ADAMTS3: variants seen among roughly 807,000 people sequenced by gnomAD.
ADAMTS3 encodes the protein A disintegrin and metalloproteinase with thrombospondin motifs 3.
A neutral mutation model predicts 129.0 loss-of-function variants in ADAMTS3; 73 were observed. The ratio of observed to expected loss-of-function variants is 0.57; its 90% CI spans 0.47 to 0.69. ADAMTS3 has a LOEUF of 0.69. ADAMTS3 is among the 30% of genes least tolerant of loss of function. The pLI, the probability that ADAMTS3 is intolerant of heterozygous loss-of-function variation, is 0.00. For synonymous variants in ADAMTS3, 477 were observed against 510.8 expected, an observed-to-expected ratio of 0.93 and a Z score of 0.89; for missense variants, 1,457 against 1,514.5, an observed-to-expected ratio of 0.96 and a Z score of 0.63.
chr4:72,556,152 G>C (rs1721760958), intron 2 of ADAMTS3, among the ~76,000 whole-genome samples: 1 of 143,510 alleles, frequency 7.0e-6, no homozygotes, highest in Non-Finnish European at 1.5e-5. Context: ...GGAGAGGGAG[G>C]GAAGTCTAAC....
At chr4:72,496,242 G>A (rs1333601998) in intron 3 of ADAMTS3, among the ~76,000 whole-genome samples, 2 of 152,078 alleles carry the variant, frequency 1.3e-5, no homozygotes, top group Non-Finnish European at 2.9e-5. Context: ...GTTCTTGTGT[G>A]GTTTTCTAGT....
chr4:72,328,342 C>T (rs1197132732), intron 5 of ADAMTS3, among the ~76,000 whole-genome samples: 3 of 152,162 alleles, frequency 2.0e-5, no homozygotes, highest in African/African-American at 2.4e-5. Flanking sequence ...GGTTTGTTCC[C>T]GGACAGGACA....
chr4:72,473,569 C>T (rs1456333297), intron 3 of ADAMTS3, among the ~76,000 whole-genome samples: 1 of 144,014 alleles, frequency 6.9e-6, no homozygotes, highest in Admixed American at 6.9e-5. Context: ...AAAAAAAAAA[C>T]ACGGTCCTAC....
At chr4:72,528,380 C>T (rs947161395) in intron 3 of ADAMTS3, among the ~76,000 whole-genome samples, 2 of 151,614 alleles carry the variant, frequency 1.3e-5, no homozygotes, top group African/African-American at 4.8e-5. Context: ...ATGTTCTGAC[C>T]ACAAAGGAAT....
rs1718587695 is a variant in ADAMTS3 at position 72,288,947 on chromosome 4, C to CACACACAT, written c.2932-80_2932-79insATGTGTGT. 4 of 747,636 alleles carry CACACACAT rather than the reference C, an allele frequency of 5.4e-6. No homozygotes were observed. The East Asian group carries it at 1.0e-4, about 19-fold the overall frequency. 46.3% of individuals were successfully genotyped at this position (747,636 alleles called of 1,614,324 possible). ...ATACACACACACACACACACACACA[C>CACACACAT]ACACACACACACACACACACAAAGA... On this transcript the variant is annotated intron_variant, in intron 20 of 21. Transcript: ENST00000286657.
At chr4:72,287,667 G>A (rs1718543414) in intron 21 of ADAMTS3, among the ~76,000 whole-genome samples, 1 of 152,064 alleles carries the variant, frequency 6.6e-6, no homozygotes, top group African/African-American at 2.4e-5. Context: ...TAGAAAATGA[G>A]CCACATACAG....
chr4:72,350,766 G>C (rs1720413899), intron 4 of ADAMTS3, among the ~76,000 whole-genome samples: 1 of 151,890 alleles, frequency 6.6e-6, no homozygotes, highest in South Asian at 2.1e-4. Flanking sequence ...ACTATTCCCA[G>C]CCCCATATAA....
chr4:72,327,470 C>T (rs1719727649), intron 5 of ADAMTS3, among the ~76,000 whole-genome samples: 2 of 152,172 alleles, frequency 1.3e-5, no homozygotes, highest in African/African-American at 4.8e-5. Context: ...TATATTGATT[C>T]AACTAATCCT....
rs373596808 is a variant in ADAMTS3 at position 72,466,930 on chromosome 4, A to G, written c.505-51959T>C. On this transcript the variant is annotated intron_variant, in intron 3 of 21. Coordinates refer to ENST00000286657, the MANE Select transcript of ADAMTS3 (RefSeq NM_014243.3). ...TGACCTCTCTAAATCTGCCTCCTCA[A>G]TGGTCCATTAGAGATGATAATACCT... Among the ~76,000 whole-genome samples, 62 of 152,208 alleles carry G rather than the reference A, an allele frequency of 4.1e-4. 2 individuals are homozygous for G. In the South Asian group the frequency reaches 0.013, roughly 31 times the overall value.
At chr4:72,561,504 CAA>C (rs952852771) in intron 2 of ADAMTS3, among the ~76,000 whole-genome samples, 1 of 132,674 alleles carries the variant, frequency 7.5e-6, no homozygotes, top group Admixed American at 7.7e-5. Context: ...GACCCTGTCT[CAA>C]AAAAAAAAGA....
At chr4:72,472,067 AG>A (rs1014596341) in intron 3 of ADAMTS3, among the ~76,000 whole-genome samples, 11 of 152,286 alleles carry the variant, frequency 7.2e-5, no homozygotes, top group Non-Finnish European at 1.0e-4. Flanking sequence ...AATACAAGGA[AG>A]ATCTAGAAAT....
chr4:72,429,799 C>T (rs1264444940), intron 3 of ADAMTS3, among the ~76,000 whole-genome samples: 1 of 151,988 alleles, frequency 6.6e-6, no homozygotes, highest in African/African-American at 2.4e-5. Context: ...TTCAACTATT[C>T]CTTCGGCGCT....
intron 4 of ADAMTS3, among the ~76,000 whole-genome samples, chr4:72,412,218 C>T (rs571151100): frequency 3.3e-5 from 5 of 151,946 alleles, no homozygotes; most frequent in Non-Finnish European, 5.9e-5. Flanking sequence ...TAAGGCTTAG[C>T]TTATGGATTT....
chr4:72,313,918 G>A, intron 11 of ADAMTS3, 96 bp from the exon 12 acceptor site: 2 of 1,391,454 alleles, frequency 1.4e-6, no homozygotes, highest in Non-Finnish European at 2.0e-6. Context: ...CTTTCTTACT[G>A]CTCTTTTTTC....
intron 4 of ADAMTS3, among the ~76,000 whole-genome samples, chr4:72,367,737 C>T: frequency 6.6e-6 from 1 of 151,832 alleles, no homozygotes. Context: ...GTAGTCCCAG[C>T]TACTTGGGAG....
chr4:72,349,812 T>G (rs1720381070), intron 4 of ADAMTS3, among the ~76,000 whole-genome samples: 1 of 152,032 alleles, frequency 6.6e-6, no homozygotes. Context: ...AACATGGAAT[T>G]AAAATGTATG....
At chr4:72,562,532 T>C in intron 2 of ADAMTS3, among the ~76,000 whole-genome samples, 1 of 152,208 alleles carries the variant, frequency 6.6e-6, no homozygotes, top group Non-Finnish European at 1.5e-5. Flanking sequence ...AGAAGGAGTT[T>C]GTAATTATGT....
intron 3 of ADAMTS3, among the ~76,000 whole-genome samples, chr4:72,455,120 T>C (rs1262436088): frequency 1.3e-5 from 2 of 151,640 alleles, no homozygotes; most frequent in African/African-American, 4.8e-5. Context: ...ATCTGAACAA[T>C]GATAGAAGAA....
At chr4:72,427,938 A>G (rs999511513) in intron 3 of ADAMTS3, among the ~76,000 whole-genome samples, 12 of 152,086 alleles carry the variant, frequency 7.9e-5, no homozygotes, top group Non-Finnish European at 4.4e-5. Flanking sequence ...TACAGAAAAG[A>G]GTGGATTTTT....
Sources: allele counts gnomAD v4.1 joint callset (sites outside exome capture counted in the v4.1 genomes callset), GRCh38; gene constraint gnomAD v4.1.1; transcripts MANE v1.5; gene names NCBI Gene and HGNC (gene_info 2026-07-23, HGNC 2026-07-21).